Variants in DOCK2 observed in about 807,000 individuals in gnomAD.
DOCK2 encodes dedicator of cytokinesis 2.
In DOCK2, 87 loss-of-function variants were observed where a neutral mutation model predicts 248.9. The observed-to-expected ratio is 0.35, with a 90% CI of 0.29 to 0.42. The LOEUF (loss-of-function observed/expected upper bound fraction) is 0.42, where lower values mean the gene tolerates loss of function less well. DOCK2 is among the 10% of genes least tolerant of loss of function. The pLI is 1.00. For synonymous variants in DOCK2, 805 were observed against 821.6 expected (o/e 0.98, Z 0.35); for missense variants, 1,747 against 2,300.2 (o/e 0.76, Z 4.92).
chr5:169,643,078 T>A (rs1200478183), intron 1 of DOCK2, among the ~76,000 whole-genome samples: 1 of 152,196 alleles, frequency 6.6e-6, no homozygotes, highest in African/African-American at 2.4e-5. Flanking sequence ...ACCACAAATG[T>A]TCCCTTTAAT....
intron 25 of DOCK2, among the ~76,000 whole-genome samples, chr5:169,777,125 G>A (rs1183006401): frequency 6.6e-6 from 1 of 152,140 alleles, no homozygotes; most frequent in African/African-American, 2.4e-5. Flanking sequence ...TGTTTGTCCA[G>A]GTTTTGACTC....
intron 27 of DOCK2, among the ~76,000 whole-genome samples, chr5:169,951,759 G>A (rs1226161573): frequency 6.6e-6 from 1 of 152,128 alleles, no homozygotes; most frequent in African/African-American, 2.4e-5. Flanking sequence ...ACTTATATTA[G>A]CTTGTTTAAG....
At chr5:169,757,556 T>A (rs1260602040) in intron 23 of DOCK2, among the ~76,000 whole-genome samples, 1 of 152,118 alleles carries the variant, frequency 6.6e-6, no homozygotes, top group Admixed American at 6.5e-5. Context: ...GAATAAAGAA[T>A]AAATCTCTAG....
At chr5:169,663,866 T>G (rs1316811792) in intron 2 of DOCK2, among the ~76,000 whole-genome samples, 2 of 152,226 alleles carry the variant, frequency 1.3e-5, no homozygotes, top group Non-Finnish European at 2.9e-5. Flanking sequence ...TTCCCTACTA[T>G]CTTGGCTGTT....
At chr5:169,674,166 A>T in intron 5 of DOCK2, 131 bp from the exon 6 acceptor site, 1 of 1,025,632 alleles carries the variant, frequency 9.8e-7, no homozygotes, top group Non-Finnish European at 1.4e-6. Context: ...ATCCTTTTGT[A>T]GTGGGTAGGG....
At chr5:169,882,860 C>A in intron 27 of DOCK2, 1 of 1,551,220 alleles carries the variant, frequency 6.4e-7, no homozygotes, top group Non-Finnish European at 8.7e-7. Context: ...GATTTCGATG[C>A]ACTGTTAGTT....
At chr5:169,672,047 C>T (rs1759075948) in intron 5 of DOCK2, among the ~76,000 whole-genome samples, 2 of 151,762 alleles carry the variant, frequency 1.3e-5, no homozygotes, top group African/African-American at 4.8e-5. Context: ...CGCTCTGTTG[C>T]CCAGGCTGGA....
intron 27 of DOCK2, among the ~76,000 whole-genome samples, chr5:169,908,524 C>G (rs915151472): frequency 6.6e-6 from 1 of 152,028 alleles, no homozygotes; most frequent in African/African-American, 2.4e-5. Flanking sequence ...AAATAGGTTC[C>G]CACCTGCTAG....
chr5:169,637,453 C>T, intron 1 of DOCK2, 84 bp downstream of exon 1: 2 of 1,273,928 alleles, frequency 1.6e-6, no homozygotes, highest in Middle Eastern at 3.0e-4. Flanking sequence ...GGGCCGGCGG[C>T]GCGGGGTGGG....
intron 27 of DOCK2, among the ~76,000 whole-genome samples, chr5:169,907,973 T>C (rs1305759521): frequency 6.6e-6 from 1 of 152,250 alleles, no homozygotes; most frequent in Non-Finnish European, 1.5e-5. Flanking sequence ...TTGTACAATA[T>C]TCCCAGTCTC....
At chr5:169,893,984 C>T (rs1228395474) in intron 27 of DOCK2, among the ~76,000 whole-genome samples, 1 of 152,174 alleles carries the variant, frequency 6.6e-6, no homozygotes, top group Non-Finnish European at 1.5e-5. Context: ...TTGGAAAAGT[C>T]TTTCCATTCT....
intron 1 of DOCK2, among the ~76,000 whole-genome samples, chr5:169,641,116 C>T (rs570598642): frequency 4.6e-5 from 7 of 152,288 alleles, no homozygotes; most frequent in South Asian, 4.1e-4. Flanking sequence ...TGTCTGTCTC[C>T]GCATTTCTCC....
chr5:169,656,311 G>C (rs1758112366), intron 2 of DOCK2, among the ~76,000 whole-genome samples: 1 of 151,910 alleles, frequency 6.6e-6, no homozygotes, highest in South Asian at 2.1e-4. Flanking sequence ...AGGTTGCACA[G>C]TGAGCTAGTG....
chr5:169,696,031 GC>G, intron 10 of DOCK2, 93 bp downstream of exon 10: 1 of 1,451,940 alleles, frequency 6.9e-7, no homozygotes, highest in South Asian at 1.5e-5. Flanking sequence ...ACCGCCTCCT[GC>G]TGCCCCCACC....
chr5:169,733,186 C>T (rs971966381), intron 22 of DOCK2, among the ~76,000 whole-genome samples: 2 of 151,694 alleles, frequency 1.3e-5, no homozygotes, highest in Admixed American at 1.3e-4. Flanking sequence ...TTCCTCATTC[C>T]CTTTTTTCCC....
intron 32 of DOCK2, among the ~76,000 whole-genome samples, chr5:170,014,896 G>A (rs900328401): frequency 6.6e-6 from 1 of 152,110 alleles, no homozygotes; most frequent in Admixed American, 6.5e-5. Flanking sequence ...TCCAACTGGG[G>A]CTTTTCAAAC....
chr5:169,937,513 T>C (rs1320585961), intron 27 of DOCK2, among the ~76,000 whole-genome samples: 1 of 152,258 alleles, frequency 6.6e-6, no homozygotes, highest in Non-Finnish European at 1.5e-5. Flanking sequence ...AATAAAAGGC[T>C]AATGAGATTA....
At chr5:169,881,887 T>C (rs1038755041) in intron 27 of DOCK2, among the ~76,000 whole-genome samples, 1 of 152,206 alleles carries the variant, frequency 6.6e-6, no homozygotes, top group African/African-American at 2.4e-5. Flanking sequence ...TTCTTTGTCT[T>C]TAGAGAGCAC....
At chr5:169,836,212 C>T (rs1160856226) in intron 26 of DOCK2, among the ~76,000 whole-genome samples, 1 of 152,214 alleles carries the variant, frequency 6.6e-6, no homozygotes, top group East Asian at 1.9e-4. Context: ...CAATTAGACA[C>T]TGAGCACATC....
Sources: gnomAD v4.1 joint callset for allele counts (sites outside exome capture counted in the v4.1 genomes callset) on GRCh38, gnomAD v4.1.1 for gene constraint, MANE v1.5 for transcripts, NCBI Gene and HGNC (gene_info 2026-07-23, HGNC 2026-07-21) for gene names.